The following COL21A1 variants were observed in gnomAD, a reference collection of about 807,000 sequenced individuals.
The protein encoded by COL21A1 is collagen alpha-1(XXI) chain.
Under a neutral mutation model 137.9 loss-of-function variants are expected in COL21A1, and 149 were observed. That is an observed-to-expected ratio of 1.08 (90% confidence interval 0.95 to 1.24). The LOEUF (loss-of-function observed/expected upper bound fraction) is 1.24. COL21A1 is among the 50% of genes most tolerant of loss of function. COL21A1 has a pLI of 0.00. For synonymous variants in COL21A1, 456 were observed against 391.5 expected (o/e 1.16, Z -1.95); for missense variants, 1,167 against 1,158.4 (o/e 1.01, Z -0.11).
At chr6:56,175,753 C>T (rs765362371) in intron 3 of COL21A1, among the ~76,000 whole-genome samples, 4 of 152,092 alleles carry the variant, frequency 2.6e-5, no homozygotes, top group African/African-American at 9.7e-5. Flanking sequence ...ATCCCAATAA[C>T]GTTTTTTATA....
At chr6:56,279,384 G>A (rs2152333693) in intron 1 of COL21A1, among the ~76,000 whole-genome samples, 1 of 152,294 alleles carries the variant, frequency 6.6e-6, no homozygotes, top group Non-Finnish European at 1.5e-5. Context: ...ACAGCAATGT[G>A]AGAACTGACT....
intron 1 of COL21A1, among the ~76,000 whole-genome samples, chr6:56,273,306 C>T (rs917232193): frequency 1.3e-5 from 2 of 152,040 alleles, no homozygotes; most frequent in Non-Finnish European, 2.9e-5. Context: ...AAATTAACAA[C>T]CTAACTTTGC....
intron 1 of COL21A1, among the ~76,000 whole-genome samples, chr6:56,356,739 C>G (rs1267879384): frequency 6.6e-6 from 1 of 152,192 alleles, no homozygotes; most frequent in Admixed American, 6.5e-5. Context: ...GCTTTTGGAT[C>G]TTTGCTGAAA....
chr6:56,368,846 T>C (rs1766160514), intron 1 of COL21A1, among the ~76,000 whole-genome samples: 1 of 152,258 alleles, frequency 6.6e-6, no homozygotes, highest in African/African-American at 2.4e-5. Context: ...ACAGCAGTCT[T>C]CAAATATATG....
chr6:56,170,755 G>T lies in COL21A1; in HGVS notation c.920C>A (p.Pro307Gln). 6.2e-7 allele frequency: 1 copy of T among 1,607,978 alleles called. No individual in the cohort carries two copies. The highest frequency in any genetic ancestry group is 8.5e-7 in the Non-Finnish European group (1 of 1,176,308). ...ACCATTTAAGGTAACTGCTATTTGT[G>T]GCCTTCCATCAATAGTTAATATTCT... ...LWRILTIDGR[P>Q]QIAVTLNGVD... The change falls in exon 5 of 30, where the codon CCA becomes CAA. Residue 307 changes from proline (P) to glutamine (Q), a missense_variant. Physicochemically the swap from Pro to Gln is moderately conservative, Grantham distance 76 (BLOSUM62 -1). Transcript: ENST00000244728.
At chr6:56,210,063 C>T (rs1780061352) in intron 1 of COL21A1, among the ~76,000 whole-genome samples, 1 of 151,746 alleles carries the variant, frequency 6.6e-6, no homozygotes, top group African/African-American at 2.4e-5. Flanking sequence ...ACAATGAGAG[C>T]ACCTGGACTC....
At chr6:56,174,893 T>C (rs1321971317) in intron 3 of COL21A1, among the ~76,000 whole-genome samples, 2 of 152,062 alleles carry the variant, frequency 1.3e-5, no homozygotes, top group African/African-American at 4.8e-5. Flanking sequence ...TGAATATAGA[T>C]GTAAATATCC....
chr6:56,176,047 A>C, intron 3 of COL21A1, among the ~76,000 whole-genome samples: 1 of 152,176 alleles, frequency 6.6e-6, no homozygotes, highest in East Asian at 1.9e-4. Flanking sequence ...CTCTTCAATC[A>C]ATAGTGCTGG....
rs73448696 is a variant in COL21A1 at position 56,323,773 on chromosome 6, T to C, written c.-39+70198A>G. Among the ~76,000 whole-genome samples the C allele has an allele frequency of 5.5e-3, 840 of 152,266 alleles. 7 individuals carry two copies. The highest frequency in any genetic ancestry group is 0.019 in the African/African-American group (809 of 41,560). ...ACTCAGCTTACAGGTCAATAGTACA[T>C]TGTTAGTACACTACAGTTAATAAGT... is the stretch of plus-strand genomic sequence containing the variant. On this transcript the variant is annotated intron_variant, in intron 1 of 28. Coordinates refer to the COL21A1 transcript ENST00000370819.
intron 12 of COL21A1, among the ~76,000 whole-genome samples, chr6:56,130,098 T>C (rs970126152): frequency 1.4e-5 from 2 of 146,410 alleles, no homozygotes; most frequent in Non-Finnish European, 3.0e-5. Context: ...CACTCAACAC[T>C]GAGGAACACA....
intron 9 of COL21A1, 123 bp from the exon 10 acceptor site, chr6:56,157,072 T>TAA (rs61242227): frequency 0.13 from 64,514 of 478,532 alleles, 293 homozygotes; most frequent in East Asian, 0.22. Context: ...AAAACAAAAG[T>TAA]AAAAAAAAAA....
chr6:56,328,655 T>G (rs1394466830), intron 1 of COL21A1, among the ~76,000 whole-genome samples: 1 of 152,136 alleles, frequency 6.6e-6, no homozygotes, highest in Admixed American at 6.6e-5. Context: ...TTCTTTCTAA[T>G]TTGATGAAAG....
intron 1 of COL21A1, among the ~76,000 whole-genome samples, chr6:56,273,257 T>C (rs948039130): frequency 3.9e-5 from 6 of 152,328 alleles, no homozygotes; most frequent in African/African-American, 1.4e-4. Context: ...GGAAACTTCA[T>C]AGTGCTAAAC....
chr6:56,171,604 G>T (rs1002693940), intron 3 of COL21A1, among the ~76,000 whole-genome samples: 1 of 151,836 alleles, frequency 6.6e-6, no homozygotes, highest in Non-Finnish European at 1.5e-5. Context: ...CATTTAAGGG[G>T]TAAAAAGTAT....
chr6:56,152,291 TAA>T (rs1191130422), intron 10 of COL21A1, among the ~76,000 whole-genome samples: 1 of 152,182 alleles, frequency 6.6e-6, no homozygotes, highest in African/African-American at 2.4e-5. Context: ...CTCCCTTTTA[TAA>T]AGACTTTTGT....
intron 1 of COL21A1, among the ~76,000 whole-genome samples, chr6:56,348,263 G>A (rs1201522454): frequency 1.3e-5 from 2 of 152,188 alleles, no homozygotes; most frequent in Admixed American, 6.5e-5. Context: ...AGAGACATAA[G>A]GGCACATAGC....
intron 1 of COL21A1, among the ~76,000 whole-genome samples, chr6:56,197,603 G>A (rs1779108364): frequency 6.6e-6 from 1 of 152,040 alleles, no homozygotes; most frequent in African/African-American, 2.4e-5. Context: ...TATATAAGAT[G>A]TTCAACATCA....
chr6:56,369,419 T>C (rs1425709948), intron 1 of COL21A1, among the ~76,000 whole-genome samples: 1 of 151,200 alleles, frequency 6.6e-6, no homozygotes, highest in East Asian at 1.9e-4. Context: ...TTATGTAAAA[T>C]TGTGTCCATG....
chr6:56,145,319 C>T (rs17818687), intron 10 of COL21A1, among the ~76,000 whole-genome samples: 23,014 of 152,094 alleles, frequency 0.15, 1,773 homozygotes, highest in Middle Eastern at 0.22. Context: ...CAATTAGATG[C>T]ATTCTTAAAG....
Sources: allele counts gnomAD v4.1 joint callset (sites outside exome capture counted in the v4.1 genomes callset), GRCh38; gene constraint gnomAD v4.1.1; transcripts MANE v1.5; gene names NCBI Gene and HGNC (gene_info 2026-07-23, HGNC 2026-07-21).